The following NCAM1 variants were observed in gnomAD, a reference collection of about 807,000 sequenced individuals.
NCAM1 encodes the protein antigen recognized by monoclonal antibody 5.1H11.
A neutral mutation model predicts 109.8 loss-of-function variants in NCAM1; 14 were observed. That is an observed-to-expected ratio of 0.13 (90% CI 0.08 to 0.20). The LOEUF (loss-of-function observed/expected upper bound fraction) is 0.20. NCAM1 is among the 10% of genes least tolerant of loss of function. The pLI, the probability that NCAM1 is intolerant of heterozygous loss-of-function variation, is 1.00. For missense variants in NCAM1, 774 were observed against 1,109.9 expected, an observed-to-expected ratio of 0.70 and a Z score of 4.30; for synonymous variants, 418 against 442.9, an observed-to-expected ratio of 0.94 and a Z score of 0.70.
intron 1 of NCAM1, among the ~76,000 whole-genome samples, chr11:113,013,508 C>T (rs1952128385): frequency 6.7e-6 from 1 of 150,008 alleles, no homozygotes; most frequent in Non-Finnish European, 1.5e-5. Flanking sequence ...TTCCTCTGAA[C>T]ATTGTTATGT....
chr11:113,229,035 C>T (rs1201734891), intron 9 of NCAM1, among the ~76,000 whole-genome samples: 21 of 152,114 alleles, frequency 1.4e-4, no homozygotes, highest in East Asian at 3.9e-4. Flanking sequence ...AAGGACTTCA[C>T]GTCTAAAACA....
intron 1 of NCAM1, among the ~76,000 whole-genome samples, chr11:113,039,640 G>A (rs1205644397): frequency 6.6e-6 from 1 of 152,168 alleles, no homozygotes; most frequent in Non-Finnish European, 1.5e-5. Flanking sequence ...AGACCCTGGA[G>A]AAATATAATT....
intron 1 of NCAM1, among the ~76,000 whole-genome samples, chr11:113,144,562 C>T (rs1555101023): frequency 6.6e-6 from 1 of 152,020 alleles, no homozygotes; most frequent in East Asian, 1.9e-4. Flanking sequence ...TGCTTAAAAG[C>T]CCTTAATTTA....
At chr11:113,019,448 C>CT (rs1351814100) in intron 1 of NCAM1, among the ~76,000 whole-genome samples, 1 of 152,146 alleles carries the variant, frequency 6.6e-6, no homozygotes. Flanking sequence ...TTTTGAAGAC[C>CT]TGCCGATTTC....
intron 1 of NCAM1, among the ~76,000 whole-genome samples, chr11:112,978,497 A>G (rs1555068084): frequency 6.6e-6 from 1 of 151,794 alleles, no homozygotes; most frequent in Non-Finnish European, 1.5e-5. Flanking sequence ...AAATGTTCTT[A>G]ATATTAGTGA....
rs1426889344 is a variant in NCAM1 at position 112,963,472 on chromosome 11, C to G, written c.52+1808C>G. On this transcript the variant is annotated intron_variant, in intron 1 of 19. Transcript: ENST00000316851. This position sits in a 1 kb window ranked among gnomAD's most constrained non-coding sequence, Gnocchi z 4.6. ...TACGCGCGTGCGCTGACCGGCCGAC[C>G]GCGGGCCGGGGGCTCTACTGACGGC... 6.6e-6 allele frequency: 1 copy of G among 152,150 alleles called. No individual in the cohort carries two copies. Among genetic ancestry groups the G allele is most frequent in the African/African-American group, 2.4e-5 (1 of 41,422 alleles). 9.4% of individuals were successfully genotyped at this position (152,150 alleles called of 1,614,324 possible).
chr11:113,242,928 T>C (rs1314690035), intron 14 of NCAM1: 1 of 1,606,676 alleles, frequency 6.2e-7, no homozygotes, highest in Admixed American at 1.7e-5. Flanking sequence ...GCGCTGCCTG[T>C]TGTTTTCCCT....
At chr11:113,184,619 C>A (rs1355790501) in intron 1 of NCAM1, among the ~76,000 whole-genome samples, 3 of 152,222 alleles carry the variant, frequency 2.0e-5, no homozygotes, top group Non-Finnish European at 4.4e-5. Context: ...AGAATCCGCT[C>A]TGAGCCTCTA....
chr11:113,016,289 C>T (rs1462499146), intron 1 of NCAM1, among the ~76,000 whole-genome samples: 2 of 152,156 alleles, frequency 1.3e-5, no homozygotes, highest in Admixed American at 1.3e-4. Context: ...TTGACAACTG[C>T]AGAAATTAAG....
intron 1 of NCAM1, among the ~76,000 whole-genome samples, chr11:113,009,366 C>T (rs1286754837): frequency 1.5e-5 from 2 of 133,808 alleles, no homozygotes; most frequent in Non-Finnish European, 3.1e-5. Flanking sequence ...ACTCTGTCAC[C>T]TAGGCTGGAG....
chr11:113,259,006 T>G (rs1945904795), intron 16 of NCAM1, among the ~76,000 whole-genome samples: 1 of 152,128 alleles, frequency 6.6e-6, no homozygotes, highest in African/African-American at 2.4e-5. Flanking sequence ...GTAAAGCTTT[T>G]GTAGTGCCTA....
chr11:113,094,111 G>A (rs1245106), intron 1 of NCAM1, among the ~76,000 whole-genome samples: 127,518 of 152,194 alleles, frequency 0.84, 53,903 homozygotes, highest in African/African-American at 0.96. Flanking sequence ...AGACAGTTAA[G>A]ACGGCAGCTG....
intron 1 of NCAM1, among the ~76,000 whole-genome samples, chr11:113,179,195 A>C (rs1338378541): frequency 6.6e-6 from 1 of 152,236 alleles, no homozygotes; most frequent in East Asian, 1.9e-4. Flanking sequence ...GAGAGAGATG[A>C]AGAAACTGTC....
intron 1 of NCAM1, among the ~76,000 whole-genome samples, chr11:113,070,928 G>A (rs782433676): frequency 3.2e-4 from 49 of 152,170 alleles, no homozygotes; most frequent in Non-Finnish European, 5.1e-4. Flanking sequence ...CAAATTTATC[G>A]CTAACGCAGT....
rs77624651 is a variant in NCAM1, at chr11:113,192,993, A to G, written c.53-9386A>G. Among the ~76,000 whole-genome samples the G allele has an allele frequency of 7.9e-3, 1,202 of 152,228 alleles. 23 individuals carry two copies. The highest frequency in any genetic ancestry group is 0.036 in the Admixed American group (551 of 15,290). On this transcript the variant is annotated intron_variant, in intron 1 of 19. Transcript: ENST00000316851. The stretch of plus-strand genomic sequence containing the variant: ...CCCTTGGCTATCTGCTCCTCAGTGC[A>G]TGAGGCTGCAGGACATTCCTGCCTT...
At chr11:113,073,253 T>G (rs1938371549) in intron 1 of NCAM1, among the ~76,000 whole-genome samples, 1 of 152,196 alleles carries the variant, frequency 6.6e-6, no homozygotes, top group South Asian at 2.1e-4. Context: ...TATACTATTC[T>G]TTTTTTCTCC....
At chr11:113,082,401 C>T (rs1288780513) in intron 1 of NCAM1, among the ~76,000 whole-genome samples, 1 of 152,124 alleles carries the variant, frequency 6.6e-6, no homozygotes, top group Non-Finnish European at 1.5e-5. Flanking sequence ...TTTAATACAG[C>T]GCTGTGGTAG....
intron 1 of NCAM1, among the ~76,000 whole-genome samples, chr11:113,047,493 G>A (rs986334778): frequency 3.3e-5 from 5 of 152,268 alleles, no homozygotes; most frequent in South Asian, 2.1e-4. Flanking sequence ...TAAGTTGTAC[G>A]TATAGTCTCA....
chr11:113,258,618 T>C (rs1179994660), intron 16 of NCAM1, among the ~76,000 whole-genome samples: 2 of 152,244 alleles, frequency 1.3e-5, no homozygotes, highest in Admixed American at 1.3e-4. Flanking sequence ...TTACCTATTG[T>C]ATATTTCAAA....
Sources: gnomAD v4.1 joint callset for allele counts (sites outside exome capture counted in the v4.1 genomes callset) on GRCh38, gnomAD v4.1.1 for gene constraint, Gnocchi (gnomAD v3.1) non-coding constraint, MANE v1.5 for transcripts, NCBI Gene and HGNC (gene_info 2026-07-23, HGNC 2026-07-21) for gene names.